The following TOX4 variants were observed in gnomAD, a reference collection of about 807,000 sequenced individuals.
TOX4 encodes the protein TOX high mobility group box family member 4.
TOX4 carries 12 observed loss-of-function variants against 61.0 expected under a neutral mutation model. The observed-to-expected ratio is 0.20, with a 90% CI of 0.13 to 0.32. TOX4 has a LOEUF of 0.32. TOX4 is among the 10% of genes least tolerant of loss of function. The pLI, the probability that TOX4 is intolerant of heterozygous loss-of-function variation, is 1.00. For missense variants in TOX4, 499 were observed against 753.3 expected (o/e 0.66, Z 3.95); for synonymous variants, 268 against 274.8 (o/e 0.98, Z 0.24).
In TOX4 at chr14:21,492,735, A is replaced by G. The variant is rs1452073875; in HGVS notation, c.1119A>G (p.Gln373=). The stretch of plus-strand genomic sequence containing the variant: ...TCACCAAGTTGATTATTACCAAACA[A>G]ATGTTGCCCTCTTCTATTACTATGT... ...PNITKLIITK[Q]MLPSSITMSQ... is the part of the protein sequence containing the mutation. Residue 373 remains glutamine, a synonymous_variant, in exon 7 of 9, where the codon CAA becomes CAG. Coordinates refer to ENST00000448790, the MANE Select transcript of TOX4 (RefSeq NM_014828.4). 3 of 1,613,980 alleles carry G rather than the reference A, an allele frequency of 1.9e-6. No individual in the cohort carries two copies. The highest frequency in any genetic ancestry group is 1.7e-5 in the Admixed American group (1 of 59,992).
chr14:21,492,203 A>C, intron 5 of TOX4, 93 bp from the exon 6 acceptor site: 1 of 1,214,598 alleles, frequency 8.2e-7, no homozygotes, highest in Non-Finnish European at 1.2e-6. Context: ...GACTAAGATG[A>C]ATTGTCATTC....
chr14:21,477,641 G>T, intron 2 of TOX4, 77 bp downstream of exon 2: 1 of 1,510,344 alleles, frequency 6.6e-7, no homozygotes, highest in South Asian at 1.1e-5. Context: ...GGAGAGCACG[G>T]ACTCCGGGGA....
chr14:21,483,368 C>A (rs1300263375), intron 2 of TOX4, among the ~76,000 whole-genome samples: 2 of 148,220 alleles, frequency 1.3e-5, no homozygotes, highest in Non-Finnish European at 3.0e-5. Context: ...TCCCTTGATC[C>A]TTCTTCCTGT....
intron 3 of TOX4, 107 bp from the exon 4 acceptor site, chr14:21,488,483 A>C (rs1175595126): frequency 1.9e-6 from 2 of 1,078,046 alleles, no homozygotes; most frequent in African/African-American, 3.2e-5. Context: ...TGTATTTTAA[A>C]TGATACAATT....
Position 21,493,060 on chromosome 14 carries a change from A to G in TOX4, c.1444A>G (p.Ile482Val). ...MQQPPPQKVR[I>V]NLQQQPPPLQ... ...ACAGCCTCCACCTCAGAAAGTTCGAATCAATTTACAGCAACAGCCTCCTCC... is the reference window on the plus strand; with the variant it reads ...ACAGCCTCCACCTCAGAAAGTTCGAGTCAATTTACAGCAACAGCCTCCTCC... The change falls in exon 7 of 9, where the codon ATC becomes GTC. Residue 482 changes from isoleucine to valine, a missense_variant. Around this residue, in one of 7 missense-constraint regions of TOX4, gnomAD observed 296 missense variants for 404.7 expected, o/e 0.73. Transcript: ENST00000448790. 1 of 1,614,018 alleles carries G rather than the reference A, an allele frequency of 6.2e-7. No individual in the cohort carries two copies. The highest frequency in any genetic ancestry group is 8.5e-7 in the Non-Finnish European group (1 of 1,179,986).
At chr14:21,495,504 G>T in intron 8 of TOX4, 112 bp downstream of exon 8, 1 of 1,280,480 alleles carries the variant, frequency 7.8e-7, no homozygotes. Context: ...CTTAGGTAGA[G>T]TAGGTTGCTG....
chr14:21,483,754 G>A (rs1426740149), intron 2 of TOX4, among the ~76,000 whole-genome samples: 2 of 152,014 alleles, frequency 1.3e-5, no homozygotes, highest in African/African-American at 4.8e-5. Context: ...AGTTCTTGGG[G>A]AAAGTTTCAG....
rs751977949 is a variant in TOX4 at position 21,487,672 on chromosome 14, C to T, written c.297C>T (p.Leu99=). The T allele has an allele frequency of 1.2e-6, 2 of 1,612,604 alleles. No individual in the cohort carries two copies. The highest frequency in any genetic ancestry group is 1.7e-5 in the Admixed American group (1 of 59,952). Residue 99 remains leucine (L), a synonymous_variant, in exon 3 of 9, where the codon CTC becomes CTT. Transcript: ENST00000448790. ...THGLMEQGGG[L]LSGGLTMDLD... is the part of the protein sequence containing the mutation. ...GCTTGATGGAGCAGGGCGGGGGGCT[C>T]CTGAGTGGGGGCTTGACCATGGTAA...
Position 21,477,259 on chromosome 14 carries a change from G to T in TOX4, c.-20G>T. 6.2e-7 allele frequency: 1 copy of T among 1,614,118 alleles called. No individual in the cohort carries two copies. Reference sequence around the variant, plus strand: ...GTGGGAGCGATGAGGGTCTGAGACGGTGGGAGCGGTTGTGTGAAGATGGAG... The same window carrying T: ...GTGGGAGCGATGAGGGTCTGAGACGTTGGGAGCGGTTGTGTGAAGATGGAG... On this transcript the variant is annotated 5_prime_UTR_variant, in exon 1 of 9. Transcript: ENST00000448790.
chr14:21,478,814 CTT>C (rs1198552119), intron 2 of TOX4, among the ~76,000 whole-genome samples: 1 of 144,906 alleles, frequency 6.9e-6, no homozygotes, highest in African/African-American at 2.5e-5. Flanking sequence ...TTTTTTCTTT[CTT>C]TTTTTTTTTG....
chr14:21,477,283 A>G lies in TOX4; in HGVS notation c.5A>G (p.Glu2Gly). M[E>G]FPGGNDNYLT... ...GGTGGGAGCGGTTGTGTGAAGATGG[A>G]GGTAGGAACCTGATAGCTAAGAAGG... Residue 2 changes from glutamate (E) to glycine (G), a missense_variant and splice_region_variant, in exon 1 of 9, where the codon GAG becomes GGG. Transcript: ENST00000448790. 6.2e-7 allele frequency: 1 copy of G among 1,613,960 alleles called. No homozygotes were observed. Among genetic ancestry groups the G allele is most frequent in the Non-Finnish European group, 8.5e-7 (1 of 1,179,942 alleles).
chr14:21,482,304 C>T (rs1274616035), intron 2 of TOX4, among the ~76,000 whole-genome samples: 1 of 152,114 alleles, frequency 6.6e-6, no homozygotes, highest in African/African-American at 2.4e-5. Context: ...GTAAAATTTT[C>T]ACTACTACAT....
At chr14:21,487,141 A>G (rs1891202632) in intron 2 of TOX4, among the ~76,000 whole-genome samples, 1 of 152,222 alleles carries the variant, frequency 6.6e-6, no homozygotes, top group Admixed American at 6.5e-5. Context: ...GTCCTAAGTA[A>G]TGGTACTGAA....
In TOX4 at chr14:21,496,757, C is replaced by A; in HGVS notation, c.*151C>A. On this transcript the variant is annotated 3_prime_UTR_variant, in exon 9 of 9. Coordinates refer to ENST00000448790, the MANE Select transcript of TOX4 (RefSeq NM_014828.4). The stretch of plus-strand genomic sequence containing the variant: ...ACCCCTTTTCTTCCTTCAGCAGAGG[C>A]CAGGCTATGGAGCAGGGCCACTGAA... The A allele has an allele frequency of 1.5e-6, 1 of 656,686 alleles. No homozygotes were observed. The highest frequency in any genetic ancestry group is 1.8e-5 in the South Asian group (1 of 54,060). 40.7% of individuals were successfully genotyped at this position (656,686 alleles called of 1,614,324 possible).
chr14:21,495,419 A>G lies in TOX4; in HGVS notation c.1805+27A>G, dbSNP rs369956933. 6.3e-6 allele frequency: 10 copies of G among 1,594,916 alleles called. No individual in the cohort carries two copies. The African/African-American group carries it at 1.1e-4, about 17-fold the overall frequency. ...TGAGCTTACAGTTCTCCCTTTTATA[A>G]TTCAGCTACTGGTCAATTCTACTGG... On this transcript the variant is annotated intron_variant, in intron 8 of 8. Coordinates refer to ENST00000448790, the MANE Select transcript of TOX4 (RefSeq NM_014828.4).
In TOX4 at chr14:21,486,030, G is replaced by C. The variant is rs1435633615; in HGVS notation, c.76-1421G>C. 2.0e-5 allele frequency among the ~76,000 whole-genome samples: 2 copies of C among 101,328 alleles called. 1 individual carries two copies. Among genetic ancestry groups the C allele is most frequent in the African/African-American group, 7.5e-5 (2 of 26,536 alleles). The allele number at this position is 101,328 out of a possible 152,430, so 66.5% of individuals were successfully genotyped here. The stretch of plus-strand genomic sequence containing the variant: ...AGCCTGGGCAACACAGGGAGAGCTC[G>C]TCTCCACAAAAAATTTTAAAAATTA... On this transcript the variant is annotated intron_variant, in intron 2 of 8. Transcript: ENST00000448790.
chr14:21,489,842 A>G (rs1566483252), intron 5 of TOX4, among the ~76,000 whole-genome samples: 1 of 151,440 alleles, frequency 6.6e-6, no homozygotes, highest in Non-Finnish European at 1.5e-5. Flanking sequence ...CGGCCTCCCA[A>G]AGTGCTGGGA....
intron 2 of TOX4, among the ~76,000 whole-genome samples, chr14:21,485,951 C>A: frequency 9.6e-6 from 1 of 104,564 alleles, no homozygotes; most frequent in Non-Finnish European, 2.1e-5. Flanking sequence ...TCTGTAAGCC[C>A]AACACTTTGG....
rs1891318837 is a variant in TOX4 at position 21,492,755 on chromosome 14, C to G, written c.1139C>G (p.Thr380Ser). 1.2e-6 allele frequency: 2 copies of G among 1,614,176 alleles called. No homozygotes were observed. Among genetic ancestry groups the G allele is most frequent in the South Asian group, 1.1e-5 (1 of 91,092 alleles). ...ITKQMLPSSI[T>S]MSQGGMVTVI... ...AAACAAATGTTGCCCTCTTCTATTACTATGTCTCAAGGAGGGATGGTTACT... is the reference window on the plus strand; with the variant it reads ...AAACAAATGTTGCCCTCTTCTATTAGTATGTCTCAAGGAGGGATGGTTACT... The change falls in exon 7 of 9, where the codon ACT (threonine) becomes AGT (serine). Residue 380 changes from threonine to serine, a missense_variant. This residue lies in a region of TOX4 where 296 missense variants were observed against 404.7 expected (regional missense o/e 0.73). Transcript: ENST00000448790.
Sources: gnomAD v4.1 joint callset for allele counts (sites outside exome capture counted in the v4.1 genomes callset) on GRCh38, gnomAD v4.1.1 for gene constraint, gnomAD v4.1.1 regional missense constraint, MANE v1.5 for transcripts, NCBI Gene and HGNC (gene_info 2026-07-23, HGNC 2026-07-21) for gene names.